Variants in PRMT8 observed in about 807,000 individuals in gnomAD.
The protein encoded by PRMT8 is protein arginine N-methyltransferase 8.
PRMT8 carries 7 observed loss-of-function variants against 47.1 expected under a neutral mutation model. The observed-to-expected ratio is 0.15, with a 90% CI of 0.08 to 0.28. PRMT8 has a LOEUF of 0.28. PRMT8 is among the 10% of genes least tolerant of loss of function. PRMT8 has a pLI of 1.00. For synonymous variants in PRMT8, 188 were observed against 186.5 expected, an observed-to-expected ratio of 1.01 and a Z score of -0.07; for missense variants, 237 against 505.4, an observed-to-expected ratio of 0.47 and a Z score of 5.09.
At chr12:3,403,297 C>T (rs1405631953) in intron 1 of PRMT8, among the ~76,000 whole-genome samples, 1 of 151,958 alleles carries the variant, frequency 6.6e-6, no homozygotes, top group East Asian at 1.9e-4. Context: ...AGGGGAACAA[C>T]ACACACTGAG....
rs1052606211 is a variant in PRMT8 at position 3,385,047 on chromosome 12, C to G, written c.48+3605C>G. On this transcript the variant is annotated intron_variant, in intron 1 of 9. Coordinates refer to the PRMT8 transcript ENST00000452611. Reference sequence around the variant, plus strand: ...CTCCAAGGTCAGCCAGTGGAGTGATCAAGCCAGGACTGGTTGAGTTTAATA... The same window carrying G: ...CTCCAAGGTCAGCCAGTGGAGTGATGAAGCCAGGACTGGTTGAGTTTAATA... 2.5e-4 allele frequency among the ~76,000 whole-genome samples: 38 copies of G among 152,238 alleles called. 1 individual carries two copies. Among genetic ancestry groups the G allele is most frequent in the African/African-American group, 8.7e-4 (36 of 41,552 alleles).
chr12:3,568,883 G>T (rs1287237306), intron 5 of PRMT8, 35 bp downstream of exon 5: 6 of 1,612,074 alleles, frequency 3.7e-6, no homozygotes, highest in South Asian at 1.1e-5. Context: ...GCGTTGGCCG[G>T]CTGGCTGTCC....
chr12:3,404,406 T>C (rs1864352574), intron 1 of PRMT8, among the ~76,000 whole-genome samples: 1 of 152,198 alleles, frequency 6.6e-6, no homozygotes, highest in Non-Finnish European at 1.5e-5. Context: ...AATACACTTT[T>C]AAAACTGAAT....
In PRMT8 at chr12:3,564,296, G is replaced by A. The variant is rs1337945587; in HGVS notation, c.482-4410G>A. 6.6e-6 allele frequency among the ~76,000 whole-genome samples: 1 copy of A among 152,164 alleles called. No individual in the cohort carries two copies. Among genetic ancestry groups the A allele is most frequent in the African/African-American group, 2.4e-5 (1 of 41,430 alleles). ...GGCACAGGACCTGCTCTCTGAAAGAGTGAGGACCTAAAAATGATCACTAAC... is the reference window on the plus strand; with the variant it reads ...GGCACAGGACCTGCTCTCTGAAAGAATGAGGACCTAAAAATGATCACTAAC... On this transcript the variant is annotated intron_variant, in intron 4 of 9. Transcript: ENST00000382622. The surrounding 1 kb of genome is among the most constrained non-coding windows in gnomAD (Gnocchi z 4.0).
chr12:3,592,207 C>T, intron 8 of PRMT8, 24 bp from the exon 9 acceptor site: 1 of 1,541,654 alleles, frequency 6.5e-7, no homozygotes, highest in Non-Finnish European at 8.7e-7. Flanking sequence ...TTCTTCCCAC[C>T]TCCCCTGTTC....
At chr12:3,396,276 G>A (rs1414917537) in intron 1 of PRMT8, among the ~76,000 whole-genome samples, 3 of 152,090 alleles carry the variant, frequency 2.0e-5, no homozygotes, top group Admixed American at 6.5e-5. Context: ...TGGTTATTTT[G>A]CTGGTTAGTT....
chr12:3,470,071 G>A lies in PRMT8; in HGVS notation c.49-70535G>A, dbSNP rs1005848914. On this transcript the variant is annotated intron_variant, in intron 1 of 9. Coordinates refer to the PRMT8 transcript ENST00000452611. ...GGAAAGGTTAAATTATTTTCAAAAC[G>A]CTCAATTATAAGAAGGCAGAGGAGC... 1.2e-4 allele frequency among the ~76,000 whole-genome samples: 18 copies of A among 152,304 alleles called. No homozygotes were observed. In the East Asian group the frequency reaches 2.9e-3, roughly 24 times the overall value.
intron 2 of PRMT8, among the ~76,000 whole-genome samples, chr12:3,541,724 G>C (rs1185952456): frequency 3.3e-5 from 5 of 152,176 alleles, no homozygotes; most frequent in Non-Finnish European, 2.9e-5. Context: ...TTGCCGGAAG[G>C]GTGTTTAGTA....
chr12:3,492,796 TACTC>T lies in PRMT8; in HGVS notation c.75+1098_75+1101del, dbSNP rs1209692479. Among the ~76,000 whole-genome samples, 1 of 152,016 alleles carries T rather than the reference TACTC, an allele frequency of 6.6e-6. No homozygotes were observed. Among genetic ancestry groups the T allele is most frequent in the East Asian group, 1.9e-4 (1 of 5,174 alleles). ...GGGCATGTGTGTGAAGATCATCCCT[TACTC>T]AGTGGCAGGAAAAAGACACAGAGAG... On this transcript the variant is annotated intron_variant, in intron 1 of 9. Transcript: ENST00000382622. The surrounding 1 kb of genome is among the most constrained non-coding windows in gnomAD (Gnocchi z 7.5).
intron 1 of PRMT8, among the ~76,000 whole-genome samples, chr12:3,449,566 C>T (rs1864896637): frequency 6.6e-6 from 1 of 152,078 alleles, no homozygotes; most frequent in Non-Finnish European, 1.5e-5. Context: ...TGTCCTTTGG[C>T]CACTTTTTAA....
chr12:3,553,187 G>A, intron 3 of PRMT8: 1 of 208,988 alleles, frequency 4.8e-6, no homozygotes, highest in South Asian at 9.0e-5. Context: ...TCTTGACCTG[G>A]CTTTTTCCAG....
chr12:3,487,600 A>C (rs10848869), upstream of PRMT8, among the ~76,000 whole-genome samples: 38,456 of 152,050 alleles, frequency 0.25, 5,625 homozygotes, highest in African/African-American at 0.4. Flanking sequence ...CAATTAATCT[A>C]ACTGAGCCTT....
chr12:3,507,758 CTTTTT>C (rs928102421), intron 1 of PRMT8, among the ~76,000 whole-genome samples: 2 of 132,740 alleles, frequency 1.5e-5, no homozygotes, highest in Non-Finnish European at 1.6e-5. Context: ...TCTTCTCCTT[CTTTTT>C]TTTTTTTTTT....
rs1043222630 is a variant in PRMT8, at chr12:3,572,599, A to T, written c.712+3035A>T. ...GCTGCTGTCTGTGGGCTTCACTTCC[A>T]CTCATGACATCCAGAGTTTCCTCTG... On this transcript the variant is annotated intron_variant, in intron 6 of 9. Coordinates refer to ENST00000382622, the MANE Select transcript of PRMT8 (RefSeq NM_019854.5). This position sits in a 1 kb window ranked among gnomAD's most constrained non-coding sequence, Gnocchi z 5.9. Among the ~76,000 whole-genome samples, 1 of 152,078 alleles carries T rather than the reference A, an allele frequency of 6.6e-6. No homozygotes were observed. The highest frequency in any genetic ancestry group is 1.9e-4 in the East Asian group (1 of 5,194).
At position 3,535,160 on chromosome 12, in the gene PRMT8, C is replaced by T. The variant is rs1162153530; in HGVS notation, c.76-5446C>T. Among the ~76,000 whole-genome samples, 3 of 152,206 alleles carry T rather than the reference C, an allele frequency of 2.0e-5. No individual in the cohort carries two copies. The highest frequency in any genetic ancestry group is 4.8e-5 in the African/African-American group (2 of 41,450). ...GGAAATCCGACCCACCCTTCAAGGA[C>T]GAGCTCACAAGCTCACATGCCCCTT... On this transcript the variant is annotated intron_variant, in intron 1 of 9. Coordinates refer to ENST00000382622, the MANE Select transcript of PRMT8 (RefSeq NM_019854.5). This position sits in a 1 kb window ranked among gnomAD's most constrained non-coding sequence, Gnocchi z 4.7.
chr12:3,498,393 G>A (rs556735896), intron 1 of PRMT8, among the ~76,000 whole-genome samples: 2 of 152,328 alleles, frequency 1.3e-5, no homozygotes, highest in East Asian at 3.9e-4. Flanking sequence ...ATGTGGAATG[G>A]TGAATTTGGA....
At chr12:3,537,319 T>C (rs1173812330) in intron 1 of PRMT8, among the ~76,000 whole-genome samples, 1 of 152,246 alleles carries the variant, frequency 6.6e-6, no homozygotes, top group Non-Finnish European at 1.5e-5. Context: ...TCACATGTAC[T>C]TGCCTCATGT....
chr12:3,506,618 A>C (rs1865628835), intron 1 of PRMT8, among the ~76,000 whole-genome samples: 1 of 152,166 alleles, frequency 6.6e-6, no homozygotes, highest in Non-Finnish European at 1.5e-5. Context: ...TGGGATGTAG[A>C]ACTCAGGTGT....
In PRMT8 at chr12:3,538,834, C is replaced by T. The variant is rs929773942; in HGVS notation, c.76-1772C>T. ...TGCATTCTAATGAGGCAGCCCCACT[C>T]GCCTTTGCCAGCCCGCCCGGGATCT... On this transcript the variant is annotated intron_variant, in intron 1 of 9. Transcript: ENST00000382622. The surrounding 1 kb of genome is among the most constrained non-coding windows in gnomAD (Gnocchi z 4.6). 11 of 479,064 alleles carry T rather than the reference C, an allele frequency of 2.3e-5. No individual in the cohort carries two copies. Among genetic ancestry groups the T allele is most frequent in the East Asian group, 5.7e-5 (1 of 17,514 alleles). 29.7% of individuals were successfully genotyped at this position (479,064 alleles called of 1,614,324 possible). A position where few individuals can be genotyped will look rare whatever the true frequency, so the allele number is the denominator to read the frequency against.
Sources: allele counts gnomAD v4.1 joint callset (sites outside exome capture counted in the v4.1 genomes callset), GRCh38; gene constraint gnomAD v4.1.1; non-coding constraint Gnocchi (gnomAD v3.1); transcripts MANE v1.5; gene names NCBI Gene and HGNC (gene_info 2026-07-23, HGNC 2026-07-21).